DENND1B: variants seen among roughly 807,000 people sequenced by gnomAD.
The protein encoded by DENND1B is DENN domain containing 1B.
Under a neutral mutation model 90.1 loss-of-function variants are expected in DENND1B, and 59 were observed. That is an observed-to-expected ratio of 0.65 (90% confidence interval 0.53 to 0.81). The LOEUF (loss-of-function observed/expected upper bound fraction) is 0.81, where lower values mean the gene tolerates loss of function less well. Among genes scored for constraint, DENND1B ranks in the 40% least tolerant of loss-of-function variants. DENND1B has a pLI of 0.00. For synonymous variants in DENND1B, 337 were observed against 324.6 expected, an observed-to-expected ratio of 1.04 and a Z score of -0.41; for missense variants, 862 against 912.6, an observed-to-expected ratio of 0.94 and a Z score of 0.71.
At chr1:197,642,642 G>T in intron 10 of DENND1B, 69 bp downstream of exon 10, 1 of 1,092,710 alleles carries the variant, frequency 9.2e-7, no homozygotes, top group Non-Finnish European at 1.3e-6. Context: ...TTCTAAATCT[G>T]CAAAGGTTTT....
intron 2 of DENND1B, among the ~76,000 whole-genome samples, chr1:197,728,974 T>C (rs1210629696): frequency 1.3e-5 from 2 of 152,152 alleles, no homozygotes; most frequent in Non-Finnish European, 2.9e-5. Context: ...CCCAGTGTCT[T>C]TTCACATAAA....
chr1:197,630,153 T>C (rs1234671428), intron 10 of DENND1B, among the ~76,000 whole-genome samples: 1 of 152,154 alleles, frequency 6.6e-6, no homozygotes, highest in Admixed American at 6.6e-5. Context: ...CAAATAAACC[T>C]AAATTTTTTA....
chr1:197,669,615 A>T (rs971087146), intron 5 of DENND1B, among the ~76,000 whole-genome samples: 3 of 152,066 alleles, frequency 2.0e-5, no homozygotes, highest in African/African-American at 7.2e-5. Flanking sequence ...CTTTCAGAAA[A>T]AATATTAAGA....
chr1:197,580,243 C>T (rs531459383), intron 15 of DENND1B, among the ~76,000 whole-genome samples: 1 of 147,330 alleles, frequency 6.8e-6, no homozygotes, highest in Non-Finnish European at 1.5e-5. Flanking sequence ...ATGCACCTGC[C>T]ACCACGCCCA....
At chr1:197,592,567 C>T (rs780718909) in intron 14 of DENND1B, among the ~76,000 whole-genome samples, 56 of 152,058 alleles carry the variant, frequency 3.7e-4, no homozygotes, top group African/African-American at 1.1e-3. Flanking sequence ...AGGAACTAGA[C>T]GGCTATTAAA....
intron 15 of DENND1B, among the ~76,000 whole-genome samples, chr1:197,562,003 C>T (rs1401061190): frequency 6.6e-6 from 1 of 151,814 alleles, no homozygotes; most frequent in Non-Finnish European, 1.5e-5. Flanking sequence ...CCACAGGATA[C>T]CGCTGAAGTG....
intron 2 of DENND1B, among the ~76,000 whole-genome samples, chr1:197,729,070 GTC>G (rs1661914146): frequency 1.3e-5 from 2 of 151,978 alleles, no homozygotes; most frequent in South Asian, 4.1e-4. Flanking sequence ...ACTTTTCTCT[GTC>G]TCTCTAAAAT....
chr1:197,534,253 T>A (rs554874928), intron 20 of DENND1B, among the ~76,000 whole-genome samples: 25 of 152,342 alleles, frequency 1.6e-4, no homozygotes, highest in African/African-American at 6.0e-4. Flanking sequence ...TTTCCACTTG[T>A]ACCTGTTTTC....
chr1:197,652,042 G>T (rs1653269481), intron 7 of DENND1B, among the ~76,000 whole-genome samples, 193 bp downstream of exon 7: 2 of 152,030 alleles, frequency 1.3e-5, no homozygotes, highest in South Asian at 4.1e-4. Context: ...CAACACACCT[G>T]ATATATGAAG....
chr1:197,543,787 T>C (rs1670515773), intron 18 of DENND1B, among the ~76,000 whole-genome samples: 1 of 152,184 alleles, frequency 6.6e-6, no homozygotes, highest in South Asian at 2.1e-4. Flanking sequence ...TTAGCTTCCC[T>C]ACTATAAAAT....
intron 13 of DENND1B, among the ~76,000 whole-genome samples, chr1:197,604,193 GTT>G (rs879369341): frequency 3.6e-5 from 5 of 139,426 alleles, no homozygotes; most frequent in African/African-American, 1.0e-4. Context: ...AATAAAATAT[GTT>G]TTTTTTTCTT....
intron 13 of DENND1B, among the ~76,000 whole-genome samples, chr1:197,598,097 T>C (rs895344854): frequency 6.6e-6 from 1 of 152,054 alleles, no homozygotes; most frequent in East Asian, 1.9e-4. Flanking sequence ...TACATGAGTA[T>C]ACTATCTAAT....
chr1:197,586,195 C>T (rs1468206033), intron 14 of DENND1B, among the ~76,000 whole-genome samples: 3 of 151,964 alleles, frequency 2.0e-5, no homozygotes, highest in African/African-American at 7.3e-5. Flanking sequence ...GGCAATATTG[C>T]AATAGACTGA....
intron 2 of DENND1B, 111 bp from the exon 3 acceptor site, chr1:197,715,185 A>G (rs772887277): frequency 4.0e-6 from 3 of 747,666 alleles, no homozygotes; most frequent in African/African-American, 1.8e-5. Context: ...TACAACATTT[A>G]AATTTTTCTT....
At chr1:197,587,416 CA>C (rs549720357) in intron 14 of DENND1B, among the ~76,000 whole-genome samples, 94 of 152,206 alleles carry the variant, frequency 6.2e-4, no homozygotes, top group African/African-American at 2.2e-3. Flanking sequence ...AGAAAGGAAT[CA>C]AAAGCAGTCA....
chr1:197,536,125 G>GGAGAGAGAGAGA (rs71131773), intron 20 of DENND1B, among the ~76,000 whole-genome samples: 1 of 142,962 alleles, frequency 7.0e-6, no homozygotes, highest in Non-Finnish European at 1.5e-5. Flanking sequence ...AGGGAGAGAG[G>GGAGAGAGAGAGA]GAGAGAGAGA....
At chr1:197,629,680 T>TAATAA (rs956815686) in intron 10 of DENND1B, among the ~76,000 whole-genome samples, 3 of 151,528 alleles carry the variant, frequency 2.0e-5, no homozygotes, top group Non-Finnish European at 2.9e-5. Flanking sequence ...AGTATAATAA[T>TAATAA]AATAAAATAA....
intron 2 of DENND1B, among the ~76,000 whole-genome samples, chr1:197,719,369 A>G (rs1341998506): frequency 6.6e-6 from 1 of 152,146 alleles, no homozygotes; most frequent in East Asian, 1.9e-4. Context: ...GAAGGTTGGA[A>G]TTCAGATCAA....
At position 197,644,662 on chromosome 1, in the gene DENND1B, G is replaced by A. The variant is rs117789107; in HGVS notation, c.561+1028C>T. Among the ~76,000 whole-genome samples the A allele has an allele frequency of 4.6e-5, 7 of 152,204 alleles. No individual in the cohort carries two copies. The East Asian group carries it at 7.7e-4, about 17-fold the overall frequency. ...TTGATTATCTATCTCAGGCCCATAC[G>A]AGCAACTTGATGCAAAGCTTTTCAT... On this transcript the variant is annotated intron_variant, in intron 9 of 22. Transcript: ENST00000620048.
Sources: gnomAD v4.1 joint callset for allele counts (sites outside exome capture counted in the v4.1 genomes callset) on GRCh38, gnomAD v4.1.1 for gene constraint, MANE v1.5 for transcripts, NCBI Gene and HGNC (gene_info 2026-07-23, HGNC 2026-07-21) for gene names.